The following CSPP1 variants were observed in gnomAD, a reference collection of about 807,000 sequenced individuals.
CSPP1 encodes the protein centrosome and spindle pole-associated protein 1.
A neutral mutation model predicts 164.4 loss-of-function variants in CSPP1; 126 were observed. That is an observed-to-expected ratio of 0.77 (90% CI 0.66 to 0.89). The LOEUF (loss-of-function observed/expected upper bound fraction) is 0.89, where lower values mean the gene tolerates loss of function less well. Among genes scored for constraint, CSPP1 ranks in the 40% least tolerant of loss-of-function variants. The pLI, the probability that CSPP1 is intolerant of heterozygous loss-of-function variation, is 0.00. For missense variants in CSPP1, 1,395 were observed against 1,449.8 expected, an observed-to-expected ratio of 0.96 and a Z score of 0.61; for synonymous variants, 472 against 476.7, an observed-to-expected ratio of 0.99 and a Z score of 0.13.
At chr8:67,091,953 G>C in intron 5 of CSPP1, 70 bp downstream of exon 5, 1 of 436,546 alleles carries the variant, frequency 2.3e-6, no homozygotes, top group South Asian at 2.3e-5. Context: ...AGAACATACT[G>C]CTGATTTAAA....
chr8:67,192,793 C>T (rs944123209), intron 29 of CSPP1, among the ~76,000 whole-genome samples: 2 of 151,528 alleles, frequency 1.3e-5, no homozygotes, highest in South Asian at 2.1e-4. Context: ...TTGTTAACTC[C>T]GTCCATAAAC....
rs756338126 is a variant in CSPP1, at chr8:67,175,430, G to C, written c.3103G>C (p.Ala1035Pro). 6.2e-7 allele frequency: 1 copy of C among 1,614,152 alleles called. No homozygotes were observed. Among genetic ancestry groups the C allele is most frequent in the Non-Finnish European group, 8.5e-7 (1 of 1,179,992 alleles). ...GAACAGAATAAAAATGCAGGAAGGT[G>C]CCAAAGGTAAGAAATAATCATTGCT... ...RLNRIKMQEG[A>P]KVDLDAIPSA... is the part of the protein sequence containing the mutation. Residue 1035 changes from alanine to proline, a missense_variant, in exon 26 of 31, where the codon GCC becomes CCC. By Grantham distance (27) the Ala-to-Pro change is conservative. Coordinates refer to ENST00000678616, the MANE Select transcript of CSPP1 (RefSeq NM_001382391.1).
In CSPP1 at chr8:67,164,100, C is replaced by G. The variant is rs1483756195; in HGVS notation, c.2711-291C>G. Among the ~76,000 whole-genome samples the G allele has an allele frequency of 3.9e-5, 6 of 152,202 alleles. No individual in the cohort carries two copies. In the East Asian group the frequency reaches 1.2e-3, roughly 29 times the overall value. On this transcript the variant is annotated intron_variant, in intron 23 of 30. Transcript: ENST00000678616. ...TGCGACTACCACTGCAATCAAGATA[C>G]AGAACTGTTCCATCACCGTAAAGGA...
chr8:67,177,571 A>G, intron 26 of CSPP1, 109 bp from the exon 27 acceptor site: 3 of 694,388 alleles, frequency 4.3e-6, no homozygotes, highest in Non-Finnish European at 7.6e-6. Flanking sequence ...GTGATAGTTG[A>G]AAAGTAATTT....
At chr8:67,179,749 C>T (rs978182033) in intron 27 of CSPP1, 114 bp from the exon 28 acceptor site, 10 of 690,170 alleles carry the variant, frequency 1.4e-5, no homozygotes, top group Non-Finnish European at 2.3e-5. Context: ...TACCTCTACC[C>T]ATCCTCTGCT....
intron 15 of CSPP1, among the ~76,000 whole-genome samples, chr8:67,120,208 A>T (rs1818712288): frequency 6.6e-6 from 1 of 152,180 alleles, no homozygotes; most frequent in Admixed American, 6.5e-5. Context: ...TGGGCTATTT[A>T]TCCTTTTCCC....
chr8:67,182,281 T>G (rs980760725), intron 28 of CSPP1, among the ~76,000 whole-genome samples: 4 of 152,100 alleles, frequency 2.6e-5, no homozygotes, highest in African/African-American at 9.7e-5. Context: ...GTGCTGAGAT[T>G]ACAGGTGTGA....
rs186190177 is a variant in CSPP1, at chr8:67,103,941, T to C, written c.1022+806T>C. 1.5e-3 allele frequency among the ~76,000 whole-genome samples: 224 copies of C among 152,232 alleles called. 1 individual carries two copies. The highest frequency in any genetic ancestry group is 5.2e-3 in the African/African-American group (218 of 41,556). On this transcript the variant is annotated intron_variant, in intron 8 of 30. Coordinates refer to ENST00000678616, the MANE Select transcript of CSPP1 (RefSeq NM_001382391.1). ...TTCAGTTTATCAAGTAGATAGCTTT[T>C]ATGCCTACTTTGTAAAATTAGTGCT...
At chr8:67,109,078 AT>A (rs1399955333) in intron 9 of CSPP1, among the ~76,000 whole-genome samples, 8 of 152,220 alleles carry the variant, frequency 5.3e-5, no homozygotes, top group Non-Finnish European at 8.8e-5. Flanking sequence ...AAGTCTGGGC[AT>A]GGTTTACTGA....
At chr8:67,156,678 T>G (rs1826734741) in intron 19 of CSPP1, among the ~76,000 whole-genome samples, 1 of 152,200 alleles carries the variant, frequency 6.6e-6, no homozygotes, top group Admixed American at 6.5e-5. Flanking sequence ...TGTTCAAATC[T>G]GTGCACAAAG....
chr8:67,087,551 T>C (rs1270726789), intron 4 of CSPP1, among the ~76,000 whole-genome samples: 1 of 152,198 alleles, frequency 6.6e-6, no homozygotes, highest in Non-Finnish European at 1.5e-5. Context: ...AATCTAGATT[T>C]GGGTGATCTG....
intron 19 of CSPP1, among the ~76,000 whole-genome samples, chr8:67,156,157 T>C (rs1000464603): frequency 6.6e-6 from 1 of 152,210 alleles, no homozygotes; most frequent in Non-Finnish European, 1.5e-5. Context: ...GTTTTTGAGA[T>C]ACTTTTACAT....
chr8:67,156,674 A>G (rs913165683), intron 19 of CSPP1, among the ~76,000 whole-genome samples: 4 of 152,220 alleles, frequency 2.6e-5, no homozygotes, highest in Admixed American at 2.6e-4. Flanking sequence ...GAAATGTTCA[A>G]ATCTGTGCAC....
At chr8:67,144,591 C>T (rs754603035) in intron 17 of CSPP1, among the ~76,000 whole-genome samples, 6 of 152,080 alleles carry the variant, frequency 3.9e-5, no homozygotes, top group African/African-American at 9.7e-5. Context: ...AGTCATGTAC[C>T]ACCATACCTG....
At chr8:67,093,484 G>T (rs1586010385) in intron 5 of CSPP1, 59 bp from the exon 6 acceptor site, 1 of 1,025,394 alleles carries the variant, frequency 9.8e-7, no homozygotes, top group East Asian at 2.4e-5. Context: ...ATAGGACATT[G>T]AGGGATTTTT....
At position 67,158,442 on chromosome 8, in the gene CSPP1, T is replaced by C. The variant is rs1827086480; in HGVS notation, c.2242-5T>C. The C allele has an allele frequency of 6.3e-7, 1 of 1,579,496 alleles. No homozygotes were observed. Among genetic ancestry groups the C allele is most frequent in the East Asian group, 2.2e-5 (1 of 44,522 alleles). ...CAAGATAAATAACTAAGTTTAATTC[T>C]TTAGATTGAGGAAAAGAAACAAAGA... On this transcript the variant is annotated splice_polypyrimidine_tract_variant and splice_region_variant and intron_variant, in intron 19 of 30. Transcript: ENST00000678616.
At chr8:67,188,558 C>T (rs1042341026) in intron 28 of CSPP1, among the ~76,000 whole-genome samples, 1 of 152,218 alleles carries the variant, frequency 6.6e-6, no homozygotes, top group Non-Finnish European at 1.5e-5. Flanking sequence ...GGTCCCCTCC[C>T]ATTGTATGGG....
At chr8:67,072,869 CA>C (rs58087584) in intron 1 of CSPP1, among the ~76,000 whole-genome samples, 829 of 59,312 alleles carry the variant, frequency 0.014, 1 homozygote, top group East Asian at 0.067. Flanking sequence ...GAGCCTGTCT[CA>C]AAAAAAAAAA....
In CSPP1 at chr8:67,064,440, C is replaced by A. The variant is rs553445898; in HGVS notation, c.-109C>A. 2 of 1,613,954 alleles carry A rather than the reference C, an allele frequency of 1.2e-6. No individual in the cohort carries two copies. The highest frequency in any genetic ancestry group is 1.7e-5 in the Admixed American group (1 of 60,024). On this transcript the variant is annotated 5_prime_UTR_variant, in exon 1 of 31. Coordinates refer to ENST00000678616, the MANE Select transcript of CSPP1 (RefSeq NM_001382391.1). ...AGGTGGCCGCTGTAACCTCTTCGGT[C>A]CGCGACGATCCTCTAGAGCACTGTG... is the stretch of plus-strand genomic sequence containing the variant.
Sources: gnomAD v4.1 joint callset for allele counts (sites outside exome capture counted in the v4.1 genomes callset) on GRCh38, gnomAD v4.1.1 for gene constraint, MANE v1.5 for transcripts, NCBI Gene and HGNC (gene_info 2026-07-23, HGNC 2026-07-21) for gene names.